The following PCDH17 variants were observed in gnomAD, a reference collection of about 807,000 sequenced individuals.
PCDH17 encodes the protein protocadherin 17, also known as protocadherin-17.
PCDH17 carries 21 observed loss-of-function variants against 67.7 expected under a neutral mutation model. The observed-to-expected ratio is 0.31, with a 90% CI of 0.22 to 0.45. The LOEUF (loss-of-function observed/expected upper bound fraction) is 0.45. Ranked by LOEUF, PCDH17 falls within the 20% of genes least tolerant of loss-of-function variation. The pLI is 1.00. For synonymous variants in PCDH17, 701 were observed against 656.7 expected (o/e 1.07, Z -1.03); for missense variants, 1,471 against 1,564.8 (o/e 0.94, Z 1.01).
At chr13:57,674,480 A>C (rs1023576807) in intron 3 of PCDH17, among the ~76,000 whole-genome samples, 4 of 151,674 alleles carry the variant, frequency 2.6e-5, no homozygotes, top group African/African-American at 4.8e-5. Flanking sequence ...ACACACCACT[A>C]TACCTGGCTA....
intron 1 of PCDH17, among the ~76,000 whole-genome samples, chr13:57,660,894 A>C (rs189400111): frequency 1.7e-4 from 26 of 152,276 alleles, no homozygotes; most frequent in Admixed American, 1.1e-3. Flanking sequence ...ATTTTATTAC[A>C]CTTATGTATG....
Position 57,728,517 on chromosome 13 carries a change from T to TAAA in PCDH17, c.*3244_*3246dup, listed in dbSNP as rs146333612. 7.1e-5 allele frequency: 5 copies of TAAA among 70,802 alleles called. No individual in the cohort carries two copies. Among genetic ancestry groups the TAAA allele is most frequent in the Non-Finnish European group, 1.1e-4 (4 of 37,020 alleles). The allele number at this position is 70,802 out of a possible 1,614,324, so 4.4% of individuals were successfully genotyped here. On this transcript the variant is annotated 3_prime_UTR_variant, in exon 4 of 4. Coordinates refer to ENST00000377918, the MANE Select transcript of PCDH17 (RefSeq NM_001040429.3). Reference sequence around the variant, plus strand: ...TTCTAAAAATTGCTTGCAGATGAGCTAAAAAAAAAAAAAAAAAAAAAAAGC... The same window carrying TAAA: ...TTCTAAAAATTGCTTGCAGATGAGCTAAAAAAAAAAAAAAAAAAAAAAAAAAGC...
intron 3 of PCDH17, among the ~76,000 whole-genome samples, chr13:57,720,504 T>C (rs1466296722): frequency 6.6e-6 from 1 of 151,992 alleles, no homozygotes; most frequent in Non-Finnish European, 1.5e-5. Flanking sequence ...AATAAAATAT[T>C]GTCATTTTAT....
intron 3 of PCDH17, among the ~76,000 whole-genome samples, chr13:57,697,284 T>C (rs1955619511): frequency 6.6e-6 from 1 of 151,756 alleles, no homozygotes; most frequent in African/African-American, 2.4e-5. Flanking sequence ...TTAGCCATGT[T>C]GCAGAACAGT....
At chr13:57,635,859 T>C (rs547093944) in intron 1 of PCDH17, among the ~76,000 whole-genome samples, 1 of 152,162 alleles carries the variant, frequency 6.6e-6, no homozygotes, top group South Asian at 2.1e-4. Flanking sequence ...GTGGTTACCG[T>C]GATCTGTTTC....
At position 57,633,747 on chromosome 13, in the gene PCDH17, G is replaced by A; in HGVS notation, c.1201G>A (p.Gly401Arg). 6.3e-7 allele frequency: 1 copy of A among 1,589,978 alleles called. No homozygotes were observed. The highest frequency in any genetic ancestry group is 8.5e-7 in the Non-Finnish European group (1 of 1,173,284). Reference sequence around the variant, plus strand: ...AGGCGGAGGAGGGACGGGCGGCGGCGGGGGCCTGGGCGGGCCCGGGGGTTC... The same window carrying A: ...AGGCGGAGGAGGGACGGGCGGCGGCAGGGGCCTGGGCGGGCCCGGGGGTTC... ...VLGGGGTGGGGGLGGPGGSVP... is the reference protein window; with the variant it reads ...VLGGGGTGGGRGLGGPGGSVP... Residue 401 changes from glycine (G) to arginine (R), a missense_variant, in exon 1 of 4, where the codon GGG (glycine) becomes AGG (arginine). Coordinates refer to ENST00000377918, the MANE Select transcript of PCDH17 (RefSeq NM_001040429.3). This position sits in a 1 kb window ranked among gnomAD's most constrained non-coding sequence, Gnocchi z 6.2.
intron 1 of PCDH17, among the ~76,000 whole-genome samples, chr13:57,651,351 T>C (rs1475103230): frequency 1.4e-5 from 2 of 143,534 alleles, no homozygotes; most frequent in Non-Finnish European, 1.5e-5. Flanking sequence ...GGTGGTTTAA[T>C]TGAGGTTTTT....
chr13:57,709,588 G>A (rs749003053), intron 3 of PCDH17: 2 of 151,910 alleles, frequency 1.3e-5, no homozygotes, highest in African/African-American at 2.4e-5. Flanking sequence ...AAAATCAATA[G>A]AGAAGGATTC....
At chr13:57,667,100 C>A (rs182065032) in intron 3 of PCDH17, among the ~76,000 whole-genome samples, 13 of 152,202 alleles carry the variant, frequency 8.5e-5, no homozygotes, top group Non-Finnish European at 1.6e-4. Flanking sequence ...ATAGACATTT[C>A]CCACCCTTTC....
intron 1 of PCDH17, 36 bp from the exon 2 acceptor site, chr13:57,666,432 T>G (rs953726018): frequency 6.5e-7 from 1 of 1,541,514 alleles, no homozygotes; most frequent in Non-Finnish European, 9.0e-7. Context: ...TTGTCCAGTG[T>G]ACAACTATAC....
chr13:57,669,845 A>G (rs1321160262), intron 3 of PCDH17, among the ~76,000 whole-genome samples: 2 of 152,050 alleles, frequency 1.3e-5, no homozygotes, highest in African/African-American at 4.8e-5. Context: ...ATGAGAATAT[A>G]TTGAATAAAC....
Position 57,666,474 on chromosome 13 carries a change from A to C in PCDH17, c.2572A>C (p.Asn858His), listed in dbSNP as rs200759003. The change falls in exon 2 of 4, where the codon AAT becomes CAT. Residue 858 changes from asparagine to histidine, a missense_variant. By Grantham distance (68) the Asn-to-His change is moderately conservative. This residue lies in a region of PCDH17 where 1,163 missense variants were observed against 1,230.0 expected (regional missense o/e 0.95). Transcript: ENST00000377918. ...TTTTCCTTCTCTTTCACAGACAGAC[A>C]ATTTTCCCGCAGAGCCCAATTACAT... ...ATRMSIIQTD[N>H]FPAEPNYMGS... is the part of the protein sequence containing the mutation. 5.8e-5 allele frequency: 93 copies of C among 1,613,538 alleles called. No individual in the cohort carries two copies. The highest frequency in any genetic ancestry group is 7.7e-5 in the Non-Finnish European group (91 of 1,179,676).
intron 1 of PCDH17, among the ~76,000 whole-genome samples, chr13:57,636,963 T>C (rs1380152971): frequency 1.3e-5 from 2 of 152,100 alleles, no homozygotes; most frequent in Non-Finnish European, 2.9e-5. Flanking sequence ...TGGGGAACAA[T>C]CTTGGATTGA....
chr13:57,721,246 A>G (rs1400723444), intron 3 of PCDH17, among the ~76,000 whole-genome samples: 1 of 152,152 alleles, frequency 6.6e-6, no homozygotes, highest in East Asian at 1.9e-4. Flanking sequence ...TATTGAGGAA[A>G]GTAGGAAAAC....
At chr13:57,668,566 A>C (rs9527680) in intron 3 of PCDH17, among the ~76,000 whole-genome samples, 1 of 151,880 alleles carries the variant, frequency 6.6e-6, no homozygotes, top group East Asian at 1.9e-4. Context: ...TTATTTATTA[A>C]GTATGAAAAT....
At chr13:57,658,191 C>T (rs1383930276) in intron 1 of PCDH17, among the ~76,000 whole-genome samples, 2 of 152,140 alleles carry the variant, frequency 1.3e-5, no homozygotes. Flanking sequence ...CTAGAACTTG[C>T]TGAAAAAATG....
intron 1 of PCDH17, among the ~76,000 whole-genome samples, chr13:57,652,733 G>A (rs769932008): frequency 3.3e-5 from 5 of 152,108 alleles, no homozygotes; most frequent in Non-Finnish European, 5.9e-5. Context: ...TTTCATTCAT[G>A]TATTTACAGC....
intron 1 of PCDH17, among the ~76,000 whole-genome samples, chr13:57,646,382 T>G (rs921523894): frequency 1.3e-5 from 2 of 151,728 alleles, no homozygotes; most frequent in Non-Finnish European, 1.5e-5. Context: ...TTTTAAAAGC[T>G]ATTAATTGAA....
chr13:57,687,888 G>A (rs539565578), intron 3 of PCDH17, among the ~76,000 whole-genome samples: 1 of 151,970 alleles, frequency 6.6e-6, no homozygotes, highest in African/African-American at 2.4e-5. Flanking sequence ...GTCCTCACAC[G>A]TGGCAGATTG....
Sources: gnomAD v4.1 joint callset for allele counts (sites outside exome capture counted in the v4.1 genomes callset) on GRCh38, gnomAD v4.1.1 for gene constraint, gnomAD v4.1.1 regional missense constraint, Gnocchi (gnomAD v3.1) non-coding constraint, MANE v1.5 for transcripts, NCBI Gene and HGNC (gene_info 2026-07-23, HGNC 2026-07-21) for gene names.